The following FYN variants were observed in gnomAD, a reference collection of about 807,000 sequenced individuals.
FYN encodes the protein FYN proto-oncogene, Src family tyrosine kinase.
Under a neutral mutation model 70.2 loss-of-function variants are expected in FYN, and 10 were observed. That is an observed-to-expected ratio of 0.14 (90% confidence interval 0.09 to 0.24). The LOEUF (loss-of-function observed/expected upper bound fraction) is 0.24. Ranked by LOEUF, FYN falls within the 10% of genes least tolerant of loss-of-function variation. The pLI is 1.00. For missense variants in FYN, 319 were observed against 673.1 expected (o/e 0.47, Z 5.82); for synonymous variants, 236 against 248.6 (o/e 0.95, Z 0.48).
intron 3 of FYN, among the ~76,000 whole-genome samples, chr6:111,751,465 A>AC (rs140739939): frequency 0.12 from 17,356 of 150,508 alleles, 2,137 homozygotes; most frequent in African/African-American, 0.3. Flanking sequence ...AACAACAAAA[A>AC]CCCCCCAAAA....
chr6:111,795,941 T>C (rs936152712), intron 2 of FYN, among the ~76,000 whole-genome samples: 2 of 152,224 alleles, frequency 1.3e-5, no homozygotes, highest in Admixed American at 1.3e-4. Flanking sequence ...GGGAAACGAT[T>C]TATAAATAAT....
At chr6:111,843,423 A>G (rs1773423590) in intron 2 of FYN, among the ~76,000 whole-genome samples, 1 of 152,236 alleles carries the variant, frequency 6.6e-6, no homozygotes, top group Non-Finnish European at 1.5e-5. Context: ...CACTTTATAC[A>G]CTTAAAGCAA....
At chr6:111,857,947 G>A (rs1340320600) in intron 1 of FYN, among the ~76,000 whole-genome samples, 3 of 152,184 alleles carry the variant, frequency 2.0e-5, no homozygotes, top group Non-Finnish European at 2.9e-5. Flanking sequence ...TGGTTTGGCT[G>A]ATGTAGCTGG....
At chr6:111,716,525 T>C (rs1800650708) in intron 4 of FYN, among the ~76,000 whole-genome samples, 1 of 152,154 alleles carries the variant, frequency 6.6e-6, no homozygotes, top group East Asian at 1.9e-4. Flanking sequence ...CACTAGTTGA[T>C]ACTTCTGCAT....
At chr6:111,808,703 G>A (rs953786062) in intron 2 of FYN, among the ~76,000 whole-genome samples, 1 of 152,158 alleles carries the variant, frequency 6.6e-6, no homozygotes, top group Non-Finnish European at 1.5e-5. Flanking sequence ...TCAAAAGCAA[G>A]CATACCAGGG....
chr6:111,806,479 C>T (rs1343001701), intron 2 of FYN, among the ~76,000 whole-genome samples: 2 of 152,186 alleles, frequency 1.3e-5, no homozygotes, highest in Non-Finnish European at 2.9e-5. Flanking sequence ...ATGCCCACAA[C>T]CCATCAGCTA....
chr6:111,671,532 A>G (rs564378049), intron 13 of FYN, among the ~76,000 whole-genome samples: 3 of 152,282 alleles, frequency 2.0e-5, no homozygotes, highest in Non-Finnish European at 4.4e-5. Flanking sequence ...ACCACCATCT[A>G]CTGTTCTCCA....
At chr6:111,850,004 C>T (rs1175594089) in intron 1 of FYN, among the ~76,000 whole-genome samples, 1 of 152,176 alleles carries the variant, frequency 6.6e-6, no homozygotes, top group East Asian at 1.9e-4. Flanking sequence ...TGTGCCATCT[C>T]TGGTGATGGC....
intron 3 of FYN, among the ~76,000 whole-genome samples, chr6:111,740,687 C>G (rs576036679): frequency 3.0e-4 from 45 of 152,192 alleles, no homozygotes; most frequent in Non-Finnish European, 5.7e-4. Flanking sequence ...CACACCTCCT[C>G]CCCAGCAACA....
At chr6:111,747,636 G>A (rs1802287654) in intron 3 of FYN, among the ~76,000 whole-genome samples, 1 of 152,102 alleles carries the variant, frequency 6.6e-6, no homozygotes, top group Non-Finnish European at 1.5e-5. Flanking sequence ...CCTATCATTG[G>A]AAGTGATGTT....
intron 4 of FYN, among the ~76,000 whole-genome samples, chr6:111,719,268 C>T (rs1323169472): frequency 7.1e-6 from 1 of 140,322 alleles, no homozygotes; most frequent in Non-Finnish European, 1.5e-5. Context: ...ATACACATGG[C>T]AGCAGAATAT....
Position 111,660,337 on chromosome 6 carries a change from A to C in FYN, c.*1402T>G, listed in dbSNP as rs1328696338. 1 of 152,222 alleles carries C rather than the reference A, an allele frequency of 6.6e-6. No homozygotes were observed. The highest frequency in any genetic ancestry group is 1.5e-5 in the Non-Finnish European group (1 of 68,040). The allele number at this position is 152,222 out of a possible 1,614,324, so 9.4% of individuals were successfully genotyped here. ...ACAAATAAACAAAAAAAAAATTCAA[A>C]TGTAAAATGCTCTCTTTTTAATTAC... On this transcript the variant is annotated 3_prime_UTR_variant, in exon 14 of 14. Transcript: ENST00000354650.
At chr6:111,805,138 C>T (rs946750692) in intron 2 of FYN, among the ~76,000 whole-genome samples, 1 of 152,082 alleles carries the variant, frequency 6.6e-6, no homozygotes, top group African/African-American at 2.4e-5. Flanking sequence ...TCCTACAAGG[C>T]GTTTTACATG....
intron 3 of FYN, among the ~76,000 whole-genome samples, chr6:111,743,057 C>G (rs976783471): frequency 6.6e-6 from 1 of 151,550 alleles, no homozygotes; most frequent in African/African-American, 2.4e-5. Context: ...ACCTCTGCCT[C>G]CCGGTTTCAA....
chr6:111,742,638 G>C (rs753910445), intron 3 of FYN, among the ~76,000 whole-genome samples: 2 of 152,168 alleles, frequency 1.3e-5, no homozygotes, highest in African/African-American at 2.4e-5. Context: ...TGTGCAAAAA[G>C]GCCCTAATAG....
intron 2 of FYN, among the ~76,000 whole-genome samples, chr6:111,800,053 A>C (rs1256626248): frequency 6.6e-6 from 1 of 152,234 alleles, no homozygotes; most frequent in African/African-American, 2.4e-5. Flanking sequence ...AGGGAGTTGT[A>C]AAAATTATCT....
chr6:111,725,765 T>G (rs989666427), intron 3 of FYN, among the ~76,000 whole-genome samples: 2 of 152,138 alleles, frequency 1.3e-5, no homozygotes, highest in African/African-American at 4.8e-5. Flanking sequence ...TAAATGACAT[T>G]GTGGTAGGGA....
intron 8 of FYN, among the ~76,000 whole-genome samples, chr6:111,701,017 C>A (rs572866929): frequency 1.3e-5 from 2 of 148,532 alleles, no homozygotes; most frequent in Admixed American, 6.7e-5. Flanking sequence ...CAGTCTTCGA[C>A]GTATAATTTA....
intron 3 of FYN, among the ~76,000 whole-genome samples, chr6:111,768,174 T>C (rs934558962): frequency 2.0e-5 from 3 of 152,240 alleles, no homozygotes; most frequent in African/African-American, 4.8e-5. Context: ...TCTATAGATA[T>C]ACTTTTCACA....
Sources: gnomAD v4.1 joint callset for allele counts (sites outside exome capture counted in the v4.1 genomes callset) on GRCh38, gnomAD v4.1.1 for gene constraint, MANE v1.5 for transcripts, NCBI Gene and HGNC (gene_info 2026-07-23, HGNC 2026-07-21) for gene names.